The following PLG variants were observed in gnomAD, a reference collection of about 807,000 sequenced individuals.
PLG encodes the protein plasminogen, also known as plasmin.
In PLG, 41 loss-of-function variants were observed where a neutral mutation model predicts 104.4. The ratio of observed to expected loss-of-function variants is 0.39; its 90% CI spans 0.31 to 0.51. PLG has a LOEUF of 0.51. PLG is among the 20% of genes least tolerant of loss of function. The pLI, the probability that PLG is intolerant of heterozygous loss-of-function variation, is 0.76. For missense variants in PLG, 891 were observed against 1,003.6 expected, an observed-to-expected ratio of 0.89 and a Z score of 1.52; for synonymous variants, 337 against 357.1, an observed-to-expected ratio of 0.94 and a Z score of 0.63.
Position 160,713,272 on chromosome 6 carries a change from A to ATT in PLG, c.547+147_547+148insTT, listed in dbSNP as rs549396375. 0.011 allele frequency: 7,634 copies of ATT among 712,958 alleles called. 64 individuals carry two copies. The highest frequency in any genetic ancestry group is 0.046 in the African/African-American group (2,058 of 44,898). The allele number at this position is 712,958 out of a possible 1,614,324, so 44.2% of individuals were successfully genotyped here. A position where few individuals can be genotyped will look rare whatever the true frequency, so the allele number is the denominator to read the frequency against. On this transcript the variant is annotated intron_variant, in intron 5 of 18. Transcript: ENST00000308192. ...GAAGCAAAACCCCAGAATTAACCTGAATTTTTTTTTTTTCTGAGACAGAGT... is the reference window on the plus strand; with the variant it reads ...GAAGCAAAACCCCAGAATTAACCTGATTATTTTTTTTTTTTCTGAGACAGAGT...
intron 9 of PLG, among the ~76,000 whole-genome samples, chr6:160,720,703 G>A (rs1245571871): frequency 1.3e-5 from 2 of 152,114 alleles, no homozygotes; most frequent in Non-Finnish European, 2.9e-5. Flanking sequence ...ACAGGTGTGA[G>A]CAACCGTGCC....
At chr6:160,721,111 T>C (rs1777821308) in intron 9 of PLG, among the ~76,000 whole-genome samples, 2 of 152,186 alleles carry the variant, frequency 1.3e-5, no homozygotes, top group Non-Finnish European at 1.5e-5. Context: ...TACCTATCTA[T>C]GCATACTGTC....
chr6:160,733,296 G>C (rs965403604), intron 12 of PLG, among the ~76,000 whole-genome samples: 2 of 152,134 alleles, frequency 1.3e-5, no homozygotes, highest in African/African-American at 4.8e-5. Flanking sequence ...AGGCTTCATC[G>C]GGTAGGAGAG....
At chr6:160,704,721 C>T (rs1347555767) in intron 1 of PLG, among the ~76,000 whole-genome samples, 21 of 152,004 alleles carry the variant, frequency 1.4e-4, no homozygotes, top group African/African-American at 2.9e-4. Flanking sequence ...TTTTCCAGCC[C>T]GGAATGTCTT....
intron 4 of PLG, chr6:160,711,966 T>C: frequency 8.1e-7 from 1 of 1,235,708 alleles, no homozygotes; most frequent in Non-Finnish European, 1.0e-6. Flanking sequence ...GGCATTAAGT[T>C]CTCAGTAATG....
At chr6:160,750,687 C>T (rs1056082163) in intron 17 of PLG, among the ~76,000 whole-genome samples, 2 of 152,142 alleles carry the variant, frequency 1.3e-5, no homozygotes, top group Non-Finnish European at 2.9e-5. Flanking sequence ...GATTCAGTGT[C>T]GGTTTTCTGA....
intron 17 of PLG, among the ~76,000 whole-genome samples, chr6:160,750,547 T>C (rs911867042): frequency 7.2e-5 from 11 of 152,238 alleles, no homozygotes; most frequent in African/African-American, 2.7e-4. Flanking sequence ...GTCCAGGTGA[T>C]GCACCCACTG....
At chr6:160,727,796 T>C (rs1474772752) in intron 10 of PLG, among the ~76,000 whole-genome samples, 1 of 152,004 alleles carries the variant, frequency 6.6e-6, no homozygotes, top group Non-Finnish European at 1.5e-5. Flanking sequence ...ATCAAAGGCA[T>C]CTACAAAAGA....
intron 17 of PLG, among the ~76,000 whole-genome samples, chr6:160,742,167 G>T (rs961547220): frequency 1.3e-5 from 2 of 152,132 alleles, no homozygotes; most frequent in African/African-American, 4.8e-5. Flanking sequence ...ATTCCTCTAG[G>T]TATATCGCCA....
rs1043549846 is a variant in PLG at position 160,734,227 on chromosome 6, C to A, written c.1681+139C>A. 1.6e-6 allele frequency: 1 copy of A among 623,126 alleles called. No homozygotes were observed. The highest frequency in any genetic ancestry group is 3.0e-6 in the Non-Finnish European group (1 of 330,002). The allele number at this position is 623,126 out of a possible 1,614,324, so 38.6% of individuals were successfully genotyped here. The stretch of plus-strand genomic sequence containing the variant: ...ATCAGACCCCACTCTTCATCATGGG[C>A]ATCTTGAATCTGCCCTACTATTGGC... On this transcript the variant is annotated intron_variant, in intron 13 of 18. Transcript: ENST00000308192. This position sits in a 1 kb window ranked among gnomAD's most constrained non-coding sequence, Gnocchi z 4.4.
chr6:160,739,844 A>AATAT lies in PLG; in HGVS notation c.2018+637_2018+638insTATA, dbSNP rs1778159269. Among the ~76,000 whole-genome samples, 1 of 151,982 alleles carries AATAT rather than the reference A, an allele frequency of 6.6e-6. No individual in the cohort carries two copies. Among genetic ancestry groups the AATAT allele is most frequent in the African/African-American group, 2.4e-5 (1 of 41,390 alleles). On this transcript the variant is annotated intron_variant, in intron 16 of 18. Transcript: ENST00000308192. This position sits in a 1 kb window ranked among gnomAD's most constrained non-coding sequence, Gnocchi z 4.4. ...CAAAAAAATCACAAATACAGTTTAT[A>AATAT]AATGTAAATTATATTATTATTATTG...
intron 17 of PLG, among the ~76,000 whole-genome samples, chr6:160,748,941 C>T (rs1339379196): frequency 6.6e-6 from 1 of 152,192 alleles, no homozygotes; most frequent in Non-Finnish European, 1.5e-5. Flanking sequence ...TTAACTCCAA[C>T]CTGCATCAGC....
chr6:160,744,897 TA>T lies in PLG; in HGVS notation c.2125+3482del, dbSNP rs1263560124. 6.6e-6 allele frequency among the ~76,000 whole-genome samples: 1 copy of T among 152,230 alleles called. No individual in the cohort carries two copies. The highest frequency in any genetic ancestry group is 1.5e-5 in the Non-Finnish European group (1 of 68,026). On this transcript the variant is annotated intron_variant, in intron 17 of 18. Coordinates refer to ENST00000308192, the MANE Select transcript of PLG (RefSeq NM_000301.5). This position sits in a 1 kb window ranked among gnomAD's most constrained non-coding sequence, Gnocchi z 4.5. ...TCAAAGAACTTCCTGATTTCTGCCA[TA>T]ATTTCATTATTCACCCAAAAGTCAT...
At position 160,723,740 on chromosome 6, in the gene PLG, G is replaced by GA; in HGVS notation, c.1256+1178dup. 6.6e-6 allele frequency among the ~76,000 whole-genome samples: 1 copy of GA among 152,304 alleles called. No homozygotes were observed. The highest frequency in any genetic ancestry group is 6.5e-5 in the Admixed American group (1 of 15,304). On this transcript the variant is annotated intron_variant, in intron 10 of 18. Coordinates refer to ENST00000308192, the MANE Select transcript of PLG (RefSeq NM_000301.5). The surrounding 1 kb of genome is among the most constrained non-coding windows in gnomAD (Gnocchi z 4.7). The stretch of plus-strand genomic sequence containing the variant: ...GGATAAAGAACAGCTACTGGGGAAA[G>GA]AAAAACTGCAGGGGAACAGTGAGCT...
At position 160,740,719 on chromosome 6, in the gene PLG, C is replaced by T. The variant is rs1367678877; in HGVS notation, c.2019-592C>T. On this transcript the variant is annotated intron_variant, in intron 16 of 18. Transcript: ENST00000308192. This position sits in a 1 kb window ranked among gnomAD's most constrained non-coding sequence, Gnocchi z 5.2. Reference sequence around the variant, plus strand: ...CTAATGTTTGAGAGTCCCTGGGACTCTAAAGTATATGAATGTTCTTTGAAA... The same window carrying T: ...CTAATGTTTGAGAGTCCCTGGGACTTTAAAGTATATGAATGTTCTTTGAAA... Among the ~76,000 whole-genome samples, 1 of 152,204 alleles carries T rather than the reference C, an allele frequency of 6.6e-6. No individual in the cohort carries two copies. The highest frequency in any genetic ancestry group is 1.5e-5 in the Non-Finnish European group (1 of 68,036).
intron 10 of PLG, among the ~76,000 whole-genome samples, chr6:160,727,811 C>A (rs1777942114): frequency 6.6e-6 from 1 of 151,926 alleles, no homozygotes; most frequent in African/African-American, 2.4e-5. Context: ...AAAAGACCTC[C>A]AGATAACATC....
chr6:160,706,299 A>G (rs1777522074), intron 1 of PLG, 108 bp from the exon 2 acceptor site: 7 of 1,448,262 alleles, frequency 4.8e-6, no homozygotes, highest in South Asian at 2.3e-5. Context: ...GTAAACAGAA[A>G]GTTTTATTTG....
chr6:160,749,633 CACCACCACCACT>C (rs567920139), intron 17 of PLG, among the ~76,000 whole-genome samples: 70 of 151,018 alleles, frequency 4.6e-4, no homozygotes, highest in Admixed American at 9.8e-4. Context: ...CCACCATCAT[CACCACCACCACT>C]ACCACCACCA....
At chr6:160,715,041 C>T (rs1183575463) in intron 6 of PLG, 127 bp downstream of exon 6, 4 of 918,466 alleles carry the variant, frequency 4.4e-6, no homozygotes, top group Non-Finnish European at 5.2e-6. Flanking sequence ...AATTTCAAAG[C>T]TAACCTCCTC....
Sources: allele counts gnomAD v4.1 joint callset (sites outside exome capture counted in the v4.1 genomes callset), GRCh38; gene constraint gnomAD v4.1.1; non-coding constraint Gnocchi (gnomAD v3.1); transcripts MANE v1.5; gene names NCBI Gene and HGNC (gene_info 2026-07-23, HGNC 2026-07-21).